RAI14: variants seen among roughly 807,000 people sequenced by gnomAD.
RAI14 encodes the protein retinoic acid induced 14, also known as ankycorbin.
Under a neutral mutation model 115.4 loss-of-function variants are expected in RAI14, and 45 were observed. That is an observed-to-expected ratio of 0.39 (90% confidence interval 0.31 to 0.50). The LOEUF (loss-of-function observed/expected upper bound fraction) is 0.50. Ranked by LOEUF, RAI14 falls within the 20% of genes least tolerant of loss-of-function variation. RAI14 has a pLI of 0.85. For synonymous variants in RAI14, 371 were observed against 415.4 expected, an observed-to-expected ratio of 0.89 and a Z score of 1.30; for missense variants, 939 against 1,131.2, an observed-to-expected ratio of 0.83 and a Z score of 2.44.
intron 3 of RAI14, among the ~76,000 whole-genome samples, chr5:34,765,371 C>T (rs1289001115): frequency 6.6e-6 from 1 of 152,122 alleles, no homozygotes; most frequent in Non-Finnish European, 1.5e-5. Flanking sequence ...AATGGCTTTG[C>T]CCAGAATGCT....
intron 2 of RAI14, chr5:34,716,871 C>T (rs2149981814): frequency 6.6e-6 from 1 of 152,308 alleles, no homozygotes; most frequent in African/African-American, 2.4e-5. Context: ...CTTCTGCCTT[C>T]CACTGTGGTT....
intron 4 of RAI14, among the ~76,000 whole-genome samples, chr5:34,803,438 T>C (rs1754505532): frequency 6.6e-6 from 1 of 152,050 alleles, no homozygotes; most frequent in Non-Finnish European, 1.5e-5. Flanking sequence ...GAGGCTATAC[T>C]CCCAGCAACT....
At chr5:34,672,387 T>C (rs970842638) in intron 1 of RAI14, among the ~76,000 whole-genome samples, 1 of 151,852 alleles carries the variant, frequency 6.6e-6, no homozygotes, top group Non-Finnish European at 1.5e-5. Flanking sequence ...ATGTGTGGGG[T>C]GTGGGGGGGG....
intron 2 of RAI14, among the ~76,000 whole-genome samples, chr5:34,722,929 T>A (rs1742962094): frequency 6.6e-6 from 1 of 150,694 alleles, no homozygotes; most frequent in Admixed American, 6.6e-5. Flanking sequence ...AATGTATAAA[T>A]AAATTAAAAA....
Position 34,784,029 on chromosome 5 carries a change from G to T in RAI14, c.168-11910G>T, listed in dbSNP as rs1016003681. 2.0e-5 allele frequency among the ~76,000 whole-genome samples: 3 copies of T among 152,190 alleles called. No homozygotes were observed. The East Asian group carries it at 5.8e-4, about 29-fold the overall frequency. ...ACATCCATTTGCCAAAGAGAATTAG[G>T]TTCCAATCCTCGAGGATTAACTCCT... On this transcript the variant is annotated intron_variant, in intron 3 of 17. Transcript: ENST00000265109.
At chr5:34,829,860 G>A in intron 17 of RAI14, 63 bp downstream of exon 17, 2 of 1,311,628 alleles carry the variant, frequency 1.5e-6, no homozygotes, top group South Asian at 2.6e-5. Flanking sequence ...GATGTTGACA[G>A]AACTCCCATC....
chr5:34,781,448 T>C (rs75342617), intron 3 of RAI14, among the ~76,000 whole-genome samples: 2,723 of 152,310 alleles, frequency 0.018, 90 homozygotes, highest in African/African-American at 0.062. Context: ...TTCACTCTGT[T>C]ATATTCCTTT....
intron 2 of RAI14, among the ~76,000 whole-genome samples, chr5:34,696,252 C>T (rs1005964504): frequency 2.0e-5 from 3 of 152,146 alleles, no homozygotes; most frequent in Non-Finnish European, 4.4e-5. Flanking sequence ...CGTTCTCCTG[C>T]CTCAGCCTCT....
At chr5:34,755,202 A>G (rs1017789091) in intron 2 of RAI14, among the ~76,000 whole-genome samples, 1 of 152,084 alleles carries the variant, frequency 6.6e-6, no homozygotes, top group Non-Finnish European at 1.5e-5. Context: ...TACGCTTTCT[A>G]TTCTACTAAC....
chr5:34,667,958 C>G lies in RAI14; in HGVS notation c.-49+11483C>G, dbSNP rs114659277. ...AAAGCTGACATATTGGTGATTGATC[C>G]TTTTTCAAAAATGAAAGGAATTACT... On this transcript the variant is annotated intron_variant, in intron 1 of 17. Coordinates refer to ENST00000265109, the MANE Select transcript of RAI14 (RefSeq NM_015577.3). Among the ~76,000 whole-genome samples the G allele has an allele frequency of 4.7e-3, 717 of 152,266 alleles. 6 individuals carry two copies. Among genetic ancestry groups the G allele is most frequent in the Middle Eastern group, 0.017 (5 of 292 alleles).
intron 3 of RAI14, among the ~76,000 whole-genome samples, chr5:34,785,855 T>C (rs1752232310): frequency 6.6e-6 from 1 of 152,190 alleles, no homozygotes; most frequent in Admixed American, 6.5e-5. Flanking sequence ...GGAACAGAAG[T>C]AGATAAAACA....
At chr5:34,752,120 G>A (rs780563652) in intron 2 of RAI14, among the ~76,000 whole-genome samples, 5 of 152,190 alleles carry the variant, frequency 3.3e-5, no homozygotes, top group Middle Eastern at 3.4e-3. Context: ...ATAAGGCTGG[G>A]CTCCTTAGTT....
At chr5:34,676,713 G>A (rs1198279473) in intron 1 of RAI14, among the ~76,000 whole-genome samples, 1 of 152,140 alleles carries the variant, frequency 6.6e-6, no homozygotes, top group Non-Finnish European at 1.5e-5. Context: ...TGATATATTT[G>A]GTTTCCAAGA....
intron 3 of RAI14, among the ~76,000 whole-genome samples, chr5:34,760,126 G>A (rs555055854): frequency 6.8e-6 from 1 of 147,590 alleles, no homozygotes; most frequent in African/African-American, 2.7e-5. Context: ...TTGGCTCACT[G>A]CAACCTCTGC....
At chr5:34,813,279 T>C (rs1755817229) in intron 10 of RAI14, among the ~76,000 whole-genome samples, 1 of 152,240 alleles carries the variant, frequency 6.6e-6, no homozygotes, top group African/African-American at 2.4e-5. Flanking sequence ...GTGATTGTAT[T>C]CTGGATTCTA....
At chr5:34,826,552 G>A in intron 16 of RAI14, 73 bp downstream of exon 16, 1 of 1,528,118 alleles carries the variant, frequency 6.5e-7, no homozygotes, top group East Asian at 2.3e-5. Flanking sequence ...TCAGCTGCTA[G>A]GGCAAGTGGG....
intron 2 of RAI14, chr5:34,687,443 C>G (rs867738641): frequency 2.7e-6 from 2 of 752,484 alleles, no homozygotes; most frequent in Non-Finnish European, 1.9e-6. Flanking sequence ...CTTTCCTCCC[C>G]CCGAATTCCA....
Position 34,795,981 on chromosome 5 carries a change from G to A in RAI14, c.210G>A (p.Arg70=), listed in dbSNP as rs1561045434. ...AAAKGHVECL[R]VMITHGVDVT... is the part of the protein sequence containing the mutation. Reference sequence around the variant, plus strand: ...CAAAAGGACACGTGGAATGCCTCAGGGTCATGATTACACATGGTGTGGATG... The same window carrying A: ...CAAAAGGACACGTGGAATGCCTCAGAGTCATGATTACACATGGTGTGGATG... Residue 70 remains arginine (R), a synonymous_variant, in exon 4 of 18, where the codon AGG becomes AGA. Transcript: ENST00000265109. The A allele has an allele frequency of 1.2e-6, 2 of 1,612,960 alleles. No homozygotes were observed. Among genetic ancestry groups the A allele is most frequent in the East Asian group, 2.2e-5 (1 of 44,878 alleles).
chr5:34,743,540 T>C (rs1480469262), intron 2 of RAI14, among the ~76,000 whole-genome samples: 1 of 152,218 alleles, frequency 6.6e-6, no homozygotes, highest in Non-Finnish European at 1.5e-5. Context: ...AGGTTCCAGG[T>C]AGACATGAAT....
Sources: allele counts gnomAD v4.1 joint callset (sites outside exome capture counted in the v4.1 genomes callset), GRCh38; gene constraint gnomAD v4.1.1; transcripts MANE v1.5; gene names NCBI Gene and HGNC (gene_info 2026-07-23, HGNC 2026-07-21).